SEMA3D: variants seen among roughly 807,000 people sequenced by gnomAD.
The protein encoded by SEMA3D is semaphorin 3D.
In SEMA3D, 84 loss-of-function variants were observed where a neutral mutation model predicts 100.1. The observed-to-expected ratio is 0.84, with a 90% CI of 0.70 to 1.01. The LOEUF (loss-of-function observed/expected upper bound fraction) is 1.01, where lower values mean the gene tolerates loss of function less well. Ranked by LOEUF, SEMA3D falls within the 50% of genes least tolerant of loss-of-function variation. The pLI is 0.00. For missense variants in SEMA3D, 875 were observed against 934.1 expected, an observed-to-expected ratio of 0.94 and a Z score of 0.82; for synonymous variants, 312 against 320.7, an observed-to-expected ratio of 0.97 and a Z score of 0.29.
At chr7:85,092,404 GA>G (rs1039420195) in intron 4 of SEMA3D, among the ~76,000 whole-genome samples, 1 of 151,838 alleles carries the variant, frequency 6.6e-6, no homozygotes, top group Non-Finnish European at 1.5e-5. Flanking sequence ...AAATGAAAAA[GA>G]AATGCTGGCT....
At chr7:85,137,573 C>A (rs905988549) in intron 2 of SEMA3D, among the ~76,000 whole-genome samples, 4 of 152,046 alleles carry the variant, frequency 2.6e-5, no homozygotes, top group African/African-American at 9.7e-5. Flanking sequence ...GCACCGAGTT[C>A]CTCTGATTGA....
At chr7:85,065,701 T>C (rs1280065498) in intron 7 of SEMA3D, 149 bp from the exon 8 acceptor site, 1 of 621,264 alleles carries the variant, frequency 1.6e-6, no homozygotes, top group African/African-American at 1.8e-5. Context: ...TTTTGAAAAT[T>C]TATCTCAGTT....
At chr7:85,091,234 G>C (rs1413858678) in intron 4 of SEMA3D, among the ~76,000 whole-genome samples, 1 of 151,576 alleles carries the variant, frequency 6.6e-6, no homozygotes, top group African/African-American at 2.4e-5. Context: ...GAGAAAGAGA[G>C]AAAGAAAGCC....
At chr7:85,053,996 T>C (rs1791239763) in intron 9 of SEMA3D, among the ~76,000 whole-genome samples, 1 of 151,908 alleles carries the variant, frequency 6.6e-6, no homozygotes, top group African/African-American at 2.4e-5. Flanking sequence ...TCCAGTTCTC[T>C]AGGTGTTTTT....
chr7:85,083,637 G>A (rs1788126690), intron 4 of SEMA3D, among the ~76,000 whole-genome samples: 1 of 151,654 alleles, frequency 6.6e-6, no homozygotes, highest in Non-Finnish European at 1.5e-5. Flanking sequence ...GAGGTCAGGA[G>A]ATCGAGACCA....
chr7:85,244,505 C>A, the SEMA3D span, among the ~76,000 whole-genome samples: 1 of 152,048 alleles, frequency 6.6e-6, no homozygotes, highest in Non-Finnish European at 1.5e-5. Context: ...CCTTATAAAA[C>A]ATTATTTGCA....
the SEMA3D span, among the ~76,000 whole-genome samples, chr7:85,248,865 A>G: frequency 2.6e-5 from 4 of 152,168 alleles, no homozygotes; most frequent in Non-Finnish European, 5.9e-5. Context: ...GATGATTTTT[A>G]GAGGAGTAAA....
intron 1 of SEMA3D, among the ~76,000 whole-genome samples, chr7:85,185,577 A>AT (rs1791516744): frequency 6.6e-6 from 1 of 152,146 alleles, no homozygotes. Context: ...TCCTGTCCCC[A>AT]TAACTCGGAA....
chr7:85,164,053 T>A (rs1440607102), intron 1 of SEMA3D, among the ~76,000 whole-genome samples: 1 of 152,090 alleles, frequency 6.6e-6, no homozygotes, highest in East Asian at 1.9e-4. Flanking sequence ...TTTGGAAAAC[T>A]TTTCAAAATG....
chr7:85,100,015 T>C (rs940891964), intron 3 of SEMA3D, among the ~76,000 whole-genome samples: 2 of 151,960 alleles, frequency 1.3e-5, no homozygotes, highest in Admixed American at 6.6e-5. Context: ...GTATTTAGAT[T>C]GATGCCTGTG....
chr7:85,038,058 G>A (rs1297202610), intron 11 of SEMA3D, among the ~76,000 whole-genome samples: 2 of 132,772 alleles, frequency 1.5e-5, no homozygotes, highest in Admixed American at 7.7e-5. Flanking sequence ...GGGTGGGGGG[G>A]AGGGGGGAGG....
intron 9 of SEMA3D, among the ~76,000 whole-genome samples, chr7:85,047,912 G>T (rs1791053425): frequency 6.6e-6 from 1 of 151,808 alleles, no homozygotes; most frequent in Non-Finnish European, 1.5e-5. Flanking sequence ...CAGACACTTT[G>T]AAACCATGAT....
chr7:85,225,079 T>C, the SEMA3D span, among the ~76,000 whole-genome samples: 75 of 15,210 alleles, frequency 4.9e-3, 1 homozygote, highest in African/African-American at 0.025. Flanking sequence ...TATATATATA[T>C]ATATATATAT....
intron 6 of SEMA3D, among the ~76,000 whole-genome samples, chr7:85,069,762 G>A (rs1439965694): frequency 6.6e-6 from 1 of 152,142 alleles, no homozygotes; most frequent in Non-Finnish European, 1.5e-5. Context: ...TTAATATCAC[G>A]CCTATTTAAA....
rs1057519374 is a variant in SEMA3D, at chr7:85,012,812, G to A, written c.1738C>T (p.Pro580Ser). The A allele has an allele frequency of 1.9e-6, 3 of 1,610,532 alleles. No homozygotes were observed. The highest frequency in any genetic ancestry group is 1.7e-5 in the Admixed American group (1 of 59,722). ...ARRQDVKYGD[P>S]ITQCWDIEDS... Reference sequence around the variant, plus strand: ...TCGATGTCCCAGCACTGGGTGATTGGGTCGCCATATTTTACATCTTGGCGT... The same window carrying A: ...TCGATGTCCCAGCACTGGGTGATTGAGTCGCCATATTTTACATCTTGGCGT... Residue 580 changes from proline (P) to serine (S), a missense_variant, in exon 17 of 19, where the codon CCA becomes TCA. Transcript: ENST00000284136.
chr7:85,061,337 G>A (rs1045198346), intron 8 of SEMA3D, among the ~76,000 whole-genome samples: 15 of 152,218 alleles, frequency 9.9e-5, no homozygotes, highest in Non-Finnish European at 1.5e-4. Flanking sequence ...TCCTTGCACT[G>A]TTAAGTGGTT....
chr7:85,050,284 A>G (rs1384629858), intron 9 of SEMA3D: 1 of 152,730 alleles, frequency 6.5e-6, no homozygotes, highest in African/African-American at 2.4e-5. Flanking sequence ...TGTGTTATTT[A>G]CCATCTACGA....
chr7:85,104,175 T>C (rs377230200), intron 3 of SEMA3D, among the ~76,000 whole-genome samples: 4 of 152,082 alleles, frequency 2.6e-5, no homozygotes, highest in African/African-American at 9.7e-5. Flanking sequence ...CATCTAAGAA[T>C]ACCAGGTATC....
the SEMA3D span, among the ~76,000 whole-genome samples, chr7:85,242,788 C>G: frequency 6.6e-6 from 1 of 152,052 alleles, no homozygotes; most frequent in East Asian, 1.9e-4. Flanking sequence ...TTATGTAGTA[C>G]TGTCTTTATC....
Sources: gnomAD v4.1 joint callset for allele counts (sites outside exome capture counted in the v4.1 genomes callset) on GRCh38, gnomAD v4.1.1 for gene constraint, MANE v1.5 for transcripts, NCBI Gene and HGNC (gene_info 2026-07-23, HGNC 2026-07-21) for gene names.